Variants in LSP1 observed in about 807,000 individuals in gnomAD.
The protein encoded by LSP1 is lymphocyte specific protein 1, also known as lymphocyte-specific protein 1.
A neutral mutation model predicts 49.3 loss-of-function variants in LSP1; 32 were observed. That is an observed-to-expected ratio of 0.65 (90% CI 0.49 to 0.87). The LOEUF (loss-of-function observed/expected upper bound fraction) is 0.87. Ranked by LOEUF, LSP1 falls within the 40% of genes least tolerant of loss-of-function variation. The pLI is 0.00. For missense variants in LSP1, 428 were observed against 442.6 expected, an observed-to-expected ratio of 0.97 and a Z score of 0.30; for synonymous variants, 179 against 178.8, an observed-to-expected ratio of 1.00 and a Z score of -0.01.
intron 10 of LSP1, chr11:1,890,066 A>AC (rs1451923188): frequency 9.8e-6 from 7 of 711,254 alleles, no homozygotes; most frequent in East Asian, 5.4e-5. Context: ...GGGTGCCCCC[A>AC]CCCCCAGAGA....
chr11:1,868,572 G>A (rs967247151), intron 1 of LSP1: 25 of 858,224 alleles, frequency 2.9e-5, no homozygotes, highest in Non-Finnish European at 3.4e-5. Context: ...TGAGGGGGCT[G>A]GGGGAAGCCA....
At chr11:1,889,169 T>C in intron 10 of LSP1, 1 of 672,868 alleles carries the variant, frequency 1.5e-6, no homozygotes, top group Non-Finnish European at 2.8e-6. Flanking sequence ...AGCCAGTCGC[T>C]GTGCGGTTGA....
chr11:1,864,265 G>C, intron 1 of LSP1: 1 of 987,814 alleles, frequency 1.0e-6, no homozygotes, highest in South Asian at 4.5e-5. Flanking sequence ...ACGAGGGGCT[G>C]GACAAGAACG....
intron 1 of LSP1, among the ~76,000 whole-genome samples, chr11:1,863,857 G>A (rs1847706374): frequency 6.6e-6 from 1 of 152,180 alleles, no homozygotes; most frequent in African/African-American, 2.4e-5. Context: ...CGAAGATGCT[G>A]CGTTGGTGGC....
In LSP1 at chr11:1,887,482, A is replaced by G. The variant is rs755314211; in HGVS notation, c.939A>G (p.Pro313=). Residue 313 remains proline, a synonymous_variant, in exon 10 of 11, where the codon CCA becomes CCG. Coordinates refer to ENST00000311604, the MANE Select transcript of LSP1 (RefSeq NM_002339.3). The part of the protein sequence containing the change: ...SKTSSTIKST[P]SGKRYKFVAT... ...GTCTCCTTTCCCAACAGAGCACCCC[A>G]TCTGGGAAGAGGTATAAGTTTGTGG... 8 of 1,613,646 alleles carry G rather than the reference A, an allele frequency of 5.0e-6. No individual in the cohort carries two copies. The South Asian group carries it at 6.6e-5, about 13-fold the overall frequency.
chr11:1,882,705 C>G (rs1280127785), intron 3 of LSP1, among the ~76,000 whole-genome samples: 1 of 152,240 alleles, frequency 6.6e-6, no homozygotes, highest in Non-Finnish European at 1.5e-5. Context: ...CAGACCTGCT[C>G]CTGAATGGCC....
intron 1 of LSP1, among the ~76,000 whole-genome samples, chr11:1,864,718 T>G (rs1331110831): frequency 1.3e-5 from 2 of 151,000 alleles, no homozygotes; most frequent in Non-Finnish European, 3.0e-5. Flanking sequence ...AGACCCACAG[T>G]CAGGGAGACC....
At chr11:1,863,003 C>T (rs1267815646) in intron 1 of LSP1, among the ~76,000 whole-genome samples, 1 of 152,164 alleles carries the variant, frequency 6.6e-6, no homozygotes, top group African/African-American at 2.4e-5. Context: ...CTGCTTCCTC[C>T]TGGGTTGTGC....
intron 1 of LSP1, among the ~76,000 whole-genome samples, chr11:1,871,633 A>T (rs1291216921): frequency 6.6e-6 from 1 of 152,188 alleles, no homozygotes; most frequent in Non-Finnish European, 1.5e-5. Flanking sequence ...AGGGTCATAG[A>T]TGCCCTTTGG....
intron 1 of LSP1, chr11:1,865,365 G>A: frequency 2.4e-6 from 1 of 417,222 alleles, no homozygotes; most frequent in Non-Finnish European, 3.2e-6. Flanking sequence ...GCTTCGGTAG[G>A]CTCTGCTGCC....
Position 1,883,932 on chromosome 11 carries a change from C to T in LSP1, c.499C>T (p.His167Tyr). The T allele has an allele frequency of 1.3e-6, 2 of 1,599,928 alleles. No homozygotes were observed. The highest frequency in any genetic ancestry group is 1.7e-6 in the Non-Finnish European group (2 of 1,175,952). Residue 167 changes from histidine (H) to tyrosine (Y), a missense_variant and splice_region_variant, in exon 5 of 11, where the codon CAC becomes TAC. By Grantham distance (83) the His-to-Tyr change is moderately conservative. Coordinates refer to ENST00000311604, the MANE Select transcript of LSP1 (RefSeq NM_002339.3). ...AAGAEEEQEEHQKCQQPRTPS... is the reference protein window; with the variant it reads ...AAGAEEEQEEYQKCQQPRTPS... Reference sequence around the variant, plus strand: ...GGGATGTCTGTTTTTTTTTTTCTAGCACCAGAAATGTCAGCAGCCCAGGAC... The same window carrying T: ...GGGATGTCTGTTTTTTTTTTTCTAGTACCAGAAATGTCAGCAGCCCAGGAC...
intron 1 of LSP1, chr11:1,871,078 G>C: frequency 1.0e-6 from 1 of 985,572 alleles, no homozygotes; most frequent in Non-Finnish European, 1.2e-6. Flanking sequence ...GACGCTGATC[G>C]CGGAGTGCAG....
chr11:1,883,656 G>C, intron 4 of LSP1, 96 bp downstream of exon 4: 2 of 1,458,218 alleles, frequency 1.4e-6, no homozygotes, highest in Admixed American at 4.5e-5. Flanking sequence ...TGTGGGTCTA[G>C]CCCAGAGTGG....
chr11:1,867,397 C>A (rs1161669527), intron 1 of LSP1, among the ~76,000 whole-genome samples: 1 of 143,796 alleles, frequency 7.0e-6, no homozygotes, highest in Non-Finnish European at 1.5e-5. Flanking sequence ...GACAGTACTG[C>A]GCTCACCACC....
At chr11:1,870,239 C>G in intron 1 of LSP1, 1 of 1,291,714 alleles carries the variant, frequency 7.7e-7, no homozygotes, top group Non-Finnish European at 1.0e-6. Flanking sequence ...TGAAGCTGGT[C>G]CTTCATACCC....
At chr11:1,877,460 G>C (rs1284571654) in intron 1 of LSP1, among the ~76,000 whole-genome samples, 1 of 152,178 alleles carries the variant, frequency 6.6e-6, no homozygotes, top group African/African-American at 2.4e-5. Context: ...CCCCTAGCCA[G>C]GGAGAGCTCA....
chr11:1,881,920 C>T (rs1848564613), intron 3 of LSP1, among the ~76,000 whole-genome samples: 1 of 152,150 alleles, frequency 6.6e-6, no homozygotes, highest in Non-Finnish European at 1.5e-5. Context: ...CCCCTGGGCC[C>T]CATCCAGGCA....
Position 1,870,872 on chromosome 11 carries a change from G to C in LSP1, c.54-9215G>C, listed in dbSNP as rs542166805. On this transcript the variant is annotated intron_variant, in intron 1 of 10. Transcript: ENST00000311604. ...GCCAAAAGCCTGCCTCGTGAGCACG[G>C]CAAGAGCTCTGCCAGGGCAGTCCCA... The C allele has an allele frequency of 3.8e-4, 378 of 986,426 alleles. 1 individual carries two copies. In the African/African-American group the frequency reaches 6.1e-3, roughly 16 times the overall value. The allele number at this position is 986,426 out of a possible 1,614,324, so 61.1% of individuals were successfully genotyped here.
At chr11:1,857,901 C>A (rs1394348947) in intron 1 of LSP1, among the ~76,000 whole-genome samples, 1 of 152,158 alleles carries the variant, frequency 6.6e-6, no homozygotes, top group Admixed American at 6.5e-5. Flanking sequence ...ATTACAGGCA[C>A]CTGCCACTGC....
Sources: gnomAD v4.1 joint callset for allele counts (sites outside exome capture counted in the v4.1 genomes callset) on GRCh38, gnomAD v4.1.1 for gene constraint, MANE v1.5 for transcripts, NCBI Gene and HGNC (gene_info 2026-07-23, HGNC 2026-07-21) for gene names.